Variants in MUC4 observed in about 807,000 individuals in gnomAD.
MUC4 encodes mucin 4, cell surface associated, also known as mucin-4.
Under a neutral mutation model 257.9 loss-of-function variants are expected in MUC4, and 202 were observed. The ratio of observed to expected loss-of-function variants is 0.78; its 90% confidence interval spans 0.70 to 0.88. MUC4 has a LOEUF of 0.88. MUC4 is among the 40% of genes least tolerant of loss of function. The probability of loss-of-function intolerance (pLI) is 0.00; values close to 1 mark genes in which losing one functional copy is unlikely to be tolerated. For synonymous variants in MUC4, 2,351 were observed against 2,757.1 expected, an observed-to-expected ratio of 0.85 and a Z score of 4.62; for missense variants, 5,976 against 6,513.7, an observed-to-expected ratio of 0.92 and a Z score of 2.84.
chr3:195,761,964 AG>A (rs1262797440), intron 14 of MUC4, 122 bp downstream of exon 14: 1 of 1,191,276 alleles, frequency 8.4e-7, no homozygotes, highest in African/African-American at 1.5e-5. Context: ...CTGTGCCCCA[AG>A]GGTTCTGCTC....
intron 4 of MUC4, among the ~76,000 whole-genome samples, chr3:195,772,750 G>C (rs867882395): frequency 1.5e-5 from 2 of 134,774 alleles, no homozygotes; most frequent in Admixed American, 1.5e-4. Context: ...CATCGCTCAG[G>C]GGTGTAGACA....
In MUC4 at chr3:195,785,786, C is replaced by G; in HGVS notation, c.5794G>C (p.Gly1932Arg). 6.7e-7 allele frequency: 1 copy of G among 1,486,214 alleles called. No homozygotes were observed. The highest frequency in any genetic ancestry group is 9.1e-7 in the Non-Finnish European group (1 of 1,103,726). 92.1% of individuals were successfully genotyped at this position (1,486,214 alleles called of 1,614,324 possible). Residue 1932 changes from glycine to arginine, a missense_variant, in exon 2 of 25, where the codon GGT becomes CGT. Coordinates refer to ENST00000463781, the MANE Select transcript of MUC4 (RefSeq NM_018406.7). ...GTGACAGGAAGAGGCGTGGTGTCAC[C>G]TGTGGATGCTGAGGAAAGGCTGGTG... ...PVTSLSSAST[G>R]DTTPLPVTSP... is the part of the protein sequence containing the mutation.
chr3:195,804,317 T>C (rs1007286642), intron 1 of MUC4, among the ~76,000 whole-genome samples: 3 of 152,082 alleles, frequency 2.0e-5, no homozygotes, highest in Non-Finnish European at 4.4e-5. Flanking sequence ...GAAGGCCGAG[T>C]GGCAGTAGGC....
intron 8 of MUC4, among the ~76,000 whole-genome samples, chr3:195,766,117 C>T (rs768845069): frequency 2.0e-5 from 3 of 152,158 alleles, no homozygotes; most frequent in African/African-American, 4.8e-5. Context: ...TGCACCACAA[C>T]GTCTGGCTAA....
In MUC4 at chr3:195,788,650, A is replaced by G. The variant is rs746234781; in HGVS notation, c.2930T>C (p.Leu977Pro). The G allele has an allele frequency of 1.9e-6, 3 of 1,610,644 alleles. No individual in the cohort carries two copies. Among genetic ancestry groups the G allele is most frequent in the South Asian group, 1.1e-5 (1 of 90,442 alleles). ...TTALISNATP[L>P]PVTYASSAST... Reference sequence around the variant, plus strand: ...TGCCGAGGAAGCGTAGGTGACAGGAAGAGGGGTGGCGTTGCTGATGAGGGC... The same window carrying G: ...TGCCGAGGAAGCGTAGGTGACAGGAGGAGGGGTGGCGTTGCTGATGAGGGC... The change falls in exon 2 of 25, where the codon CTT becomes CCT. Residue 977 changes from leucine (L) to proline (P), a missense_variant. Leu to Pro is a moderately conservative substitution (Grantham distance 98). Coordinates refer to ENST00000463781, the MANE Select transcript of MUC4 (RefSeq NM_018406.7).
intron 16 of MUC4, among the ~76,000 whole-genome samples, chr3:195,759,863 G>A (rs952397072): frequency 1.5e-5 from 2 of 131,048 alleles, no homozygotes; most frequent in African/African-American, 2.7e-5. Context: ...AGGTTGCGAC[G>A]AGCCGAGATC....
Position 195,788,697 on chromosome 3 carries a change from C to T in MUC4, c.2883G>A (p.Gly961=), listed in dbSNP as rs62282504. 0.23 allele frequency: 367,825 copies of T among 1,607,442 alleles called. 44,014 individuals are homozygous for T. The highest frequency in any genetic ancestry group is 0.35 in the Middle Eastern group (2,145 of 6,054). Residue 961 remains glycine, a synonymous_variant, in exon 2 of 25, where the codon GGG becomes GGA. Transcript: ENST00000463781. Reference sequence around the variant, plus strand: ...GGGCCGTGGTGAAGGTTTTACCAGACCCTGAAGGTGACAGAGTGTGGGTCT... The same window carrying T: ...GGGCCGTGGTGAAGGTTTTACCAGATCCTGAAGGTGACAGAGTGTGGGTCT... ...QTETHTLSPS[G]SGKTFTTALI... is the part of the protein sequence containing the mutation.
chr3:195,790,043 C>G lies in MUC4; in HGVS notation c.1537G>C (p.Ala513Pro). Residue 513 changes from alanine (A) to proline (P), a missense_variant, in exon 2 of 25, where the codon GCC becomes CCC. Ala to Pro is a conservative substitution (Grantham distance 27). Coordinates refer to ENST00000463781, the MANE Select transcript of MUC4 (RefSeq NM_018406.7). The part of the protein sequence containing the change: ...TELPSTSTGA[A>P]TRLVTGNPST... ...GGATTTCCTGTGACAAGCCTAGTGG[C>G]AGCACCTGTTGATGTTGAGGGCAGT... 1 of 1,614,028 alleles carries G rather than the reference C, an allele frequency of 6.2e-7. No homozygotes were observed. The highest frequency in any genetic ancestry group is 8.5e-7 in the Non-Finnish European group (1 of 1,179,886).
intron 7 of MUC4, among the ~76,000 whole-genome samples, chr3:195,767,835 C>CCACCACCACCACCACCACCAT (rs1721728101): frequency 5.2e-5 from 6 of 114,770 alleles, no homozygotes; most frequent in Admixed American, 4.1e-4. Context: ...ACCACCATCA[C>CCACCACCACCACCACCACCAT]CACCACCACC....
intron 3 of MUC4, among the ~76,000 whole-genome samples, chr3:195,776,474 CCCATACCTT>C: frequency 4.8e-5 from 1 of 20,742 alleles, no homozygotes; most frequent in Non-Finnish European, 8.0e-5. Context: ...ACCTTCCACA[CCCATACCTT>C]CCGCATCCAT....
At chr3:195,748,117 G>A (rs1296882226) in intron 24 of MUC4, among the ~76,000 whole-genome samples, 1 of 152,282 alleles carries the variant, frequency 6.6e-6, no homozygotes, top group Non-Finnish European at 1.5e-5. Flanking sequence ...GGCTTCCTGC[G>A]CTGTTAACCA....
intron 1 of MUC4, among the ~76,000 whole-genome samples, chr3:195,807,424 C>T (rs978091092): frequency 2.0e-5 from 3 of 152,070 alleles, no homozygotes; most frequent in South Asian, 2.1e-4. Flanking sequence ...GCTGAGACCA[C>T]GCCACTGCAC....
In MUC4 at chr3:195,789,484, G is replaced by A; in HGVS notation, c.2096C>T (p.Pro699Leu). 3.7e-6 allele frequency: 6 copies of A among 1,613,974 alleles called. No homozygotes were observed. Among genetic ancestry groups the A allele is most frequent in the Non-Finnish European group, 5.1e-6 (6 of 1,179,888 alleles). The change falls in exon 2 of 25, where the codon CCC becomes CTC. Residue 699 changes from proline to leucine, a missense_variant. Transcript: ENST00000463781. ...ISAATTFAPAPTGDGHTTQAP... is the reference protein window; with the variant it reads ...ISAATTFAPALTGDGHTTQAP... ...CTGGGTTGTGTGACCATCCCCGGTG[G>A]GAGCTGGGGCAAAGGTTGTTGCTGC...
chr3:195,774,887 C>T (rs564383425), intron 3 of MUC4, among the ~76,000 whole-genome samples: 43 of 113,532 alleles, frequency 3.8e-4, no homozygotes, highest in African/African-American at 1.3e-3. Context: ...GCAACAAGAG[C>T]GAAAACTCCA....
Position 195,789,900 on chromosome 3 carries a change from C to T in MUC4, c.1680G>A (p.Gly560=), listed in dbSNP as rs1733645080. Residue 560 remains glycine (G), a synonymous_variant, in exon 2 of 25, where the codon GGG becomes GGA. Transcript: ENST00000463781. ...SHSTTLPKTT[G]AGAQTQWTQE... is the part of the protein sequence containing the mutation. ...GTGTCCATTGTGTCTGGGCGCCTGC[C>T]CCTGTTGTTTTTGGGAGAGTTGTGC... The T allele has an allele frequency of 1.2e-6, 2 of 1,613,826 alleles. No individual in the cohort carries two copies. Among genetic ancestry groups the T allele is most frequent in the Non-Finnish European group, 8.5e-7 (1 of 1,179,892 alleles).
In MUC4 at chr3:195,753,111, C is replaced by T; in HGVS notation, c.15448G>A (p.Ala5150Thr). Residue 5150 changes from alanine to threonine, a missense_variant, in exon 20 of 25, where the codon GCC becomes ACC. Transcript: ENST00000463781. ...AGGAAGCAGCGGCTGTCAGTGAAGG[C>T]TGGGGGGCAGGTGCACATGGGCTGA... ...GCQPMCTCPP[A>T]FTDSRCFLAG... 1 of 1,612,172 alleles carries T rather than the reference C, an allele frequency of 6.2e-7. No individual in the cohort carries two copies. The highest frequency in any genetic ancestry group is 8.5e-7 in the Non-Finnish European group (1 of 1,179,140).
intron 4 of MUC4, 107 bp downstream of exon 4, chr3:195,774,065 C>T: frequency 1.5e-6 from 2 of 1,353,522 alleles, no homozygotes; most frequent in Non-Finnish European, 2.0e-6. Flanking sequence ...GACGAGGGGC[C>T]CAGCCAAGGC....
rs956145791 is a variant in MUC4, at chr3:195,810,395, C to G, written c.82+1341G>C. 2 of 152,630 alleles carry G rather than the reference C, an allele frequency of 1.3e-5. No homozygotes were observed. Among genetic ancestry groups the G allele is most frequent in the Admixed American group, 6.5e-5 (1 of 15,298 alleles). The allele number at this position is 152,630 out of a possible 1,614,324, so 9.5% of individuals were successfully genotyped here. Reference sequence around the variant, plus strand: ...TGAACTCTGGACCCCAGACTCTCCCCCAAAGACTCAGACACCCAGAAACAC... The same window carrying G: ...TGAACTCTGGACCCCAGACTCTCCCGCAAAGACTCAGACACCCAGAAACAC... On this transcript the variant is annotated intron_variant, in intron 1 of 24. Coordinates refer to ENST00000463781, the MANE Select transcript of MUC4 (RefSeq NM_018406.7). This position sits in a 1 kb window ranked among gnomAD's most constrained non-coding sequence, Gnocchi z 4.2.
chr3:195,763,346 C>T (rs1159537788), intron 12 of MUC4, 87 bp downstream of exon 12: 7 of 1,295,902 alleles, frequency 5.4e-6, no homozygotes, highest in South Asian at 2.0e-5. Flanking sequence ...TCCCCTCCTT[C>T]GCTCTCTTCC....
Sources: allele counts gnomAD v4.1 joint callset (sites outside exome capture counted in the v4.1 genomes callset), GRCh38; gene constraint gnomAD v4.1.1; non-coding constraint Gnocchi (gnomAD v3.1); transcripts MANE v1.5; gene names NCBI Gene and HGNC (gene_info 2026-07-23, HGNC 2026-07-21).